CSMD3: variants seen among roughly 807,000 people sequenced by gnomAD.
CSMD3 encodes CUB and Sushi multiple domains 3.
Under a neutral mutation model 435.2 loss-of-function variants are expected in CSMD3, and 177 were observed. The ratio of observed to expected loss-of-function variants is 0.41; its 90% confidence interval spans 0.36 to 0.46. The LOEUF is 0.46. Ranked by LOEUF, CSMD3 falls within the 20% of genes least tolerant of loss-of-function variation. The pLI is 0.34. For missense variants in CSMD3, 4,265 were observed against 4,504.6 expected (o/e 0.95, Z 1.52); for synonymous variants, 1,656 against 1,520.5 (o/e 1.09, Z -2.07).
At chr8:112,877,525 C>T (rs2081320942) in intron 10 of CSMD3, among the ~76,000 whole-genome samples, 1 of 152,070 alleles carries the variant, frequency 6.6e-6, no homozygotes, top group South Asian at 2.1e-4. Flanking sequence ...GCCTCAGCCT[C>T]CCAAAGTGCT....
chr8:113,163,808 G>T (rs1270766434), intron 4 of CSMD3, among the ~76,000 whole-genome samples: 3 of 151,978 alleles, frequency 2.0e-5, no homozygotes, highest in Non-Finnish European at 4.4e-5. Context: ...CTGACTCTGT[G>T]AATACAATTC....
At chr8:112,384,317 A>G (rs979664956) in intron 36 of CSMD3, among the ~76,000 whole-genome samples, 1 of 152,200 alleles carries the variant, frequency 6.6e-6, no homozygotes, top group Non-Finnish European at 1.5e-5. Context: ...TATAGTAACT[A>G]CGTCACAGTG....
intron 4 of CSMD3, among the ~76,000 whole-genome samples, chr8:113,129,075 C>A (rs1013902680): frequency 6.6e-6 from 1 of 152,082 alleles, no homozygotes; most frequent in Non-Finnish European, 1.5e-5. Flanking sequence ...GGTAAAGGCA[C>A]GTATGAACTG....
At chr8:113,140,896 G>C (rs1282024580) in intron 4 of CSMD3, among the ~76,000 whole-genome samples, 1 of 150,586 alleles carries the variant, frequency 6.6e-6, no homozygotes, top group Non-Finnish European at 1.5e-5. Flanking sequence ...AAATAATAAA[G>C]AATACATGCC....
intron 63 of CSMD3, among the ~76,000 whole-genome samples, chr8:112,253,178 G>C (rs1484330414): frequency 6.6e-6 from 1 of 151,898 alleles, no homozygotes; most frequent in East Asian, 1.9e-4. Context: ...GTCACATTCT[G>C]TTTCAGTTTC....
intron 1 of CSMD3, among the ~76,000 whole-genome samples, chr8:113,353,552 G>A (rs1174572652): frequency 1.3e-5 from 2 of 152,112 alleles, no homozygotes; most frequent in African/African-American, 4.8e-5. Flanking sequence ...CCTCTGCATT[G>A]AGACATTTTT....
intron 22 of CSMD3, among the ~76,000 whole-genome samples, chr8:112,613,101 T>C (rs965792831): frequency 1.3e-5 from 2 of 152,054 alleles, no homozygotes; most frequent in African/African-American, 4.8e-5. Flanking sequence ...GGAAAGTCTA[T>C]GTGTTATAAA....
chr8:112,712,153 T>C (rs936428463), intron 13 of CSMD3, among the ~76,000 whole-genome samples: 12 of 152,180 alleles, frequency 7.9e-5, no homozygotes, highest in African/African-American at 2.7e-4. Flanking sequence ...CACTCTCATC[T>C]ACCACCACAA....
chr8:113,300,977 G>A (rs1338239897), intron 2 of CSMD3, among the ~76,000 whole-genome samples: 1 of 152,064 alleles, frequency 6.6e-6, no homozygotes, highest in Admixed American at 6.6e-5. Context: ...AAAAAAGCAT[G>A]TCCCAGAAAA....
chr8:113,320,220 G>T (rs184267043), intron 1 of CSMD3, among the ~76,000 whole-genome samples: 2 of 151,902 alleles, frequency 1.3e-5, no homozygotes, highest in Admixed American at 1.3e-4. Context: ...TCATAGATTC[G>T]TGTTTTACAA....
intron 10 of CSMD3, among the ~76,000 whole-genome samples, chr8:112,865,300 A>C (rs1473935687): frequency 6.6e-6 from 1 of 152,140 alleles, no homozygotes; most frequent in Non-Finnish European, 1.5e-5. Context: ...GACATGATTC[A>C]CAGGTTAAGG....
chr8:112,238,567 T>G (rs1006636348), intron 66 of CSMD3, among the ~76,000 whole-genome samples: 1 of 152,058 alleles, frequency 6.6e-6, no homozygotes, highest in Non-Finnish European at 1.5e-5. Context: ...TTTGGAGTAA[T>G]GTAATCACTG....
intron 2 of CSMD3, among the ~76,000 whole-genome samples, chr8:113,289,508 G>T (rs2093669736): frequency 6.6e-6 from 1 of 150,660 alleles, no homozygotes; most frequent in Admixed American, 6.7e-5. Context: ...AGAGAGAGGT[G>T]AGAGCATTGA....
At chr8:113,372,373 T>C (rs549021598) in intron 1 of CSMD3, among the ~76,000 whole-genome samples, 2 of 152,264 alleles carry the variant, frequency 1.3e-5, no homozygotes, top group South Asian at 4.1e-4. Flanking sequence ...AGGGGATAAA[T>C]ATGAGTTTTA....
intron 3 of CSMD3, among the ~76,000 whole-genome samples, chr8:113,263,797 C>T (rs2093446000): frequency 1.3e-5 from 2 of 151,760 alleles, no homozygotes; most frequent in Admixed American, 6.6e-5. Flanking sequence ...AAACATTTTA[C>T]AAACTATCTT....
At chr8:113,181,379 T>C (rs1014681908) in intron 3 of CSMD3, among the ~76,000 whole-genome samples, 1 of 152,068 alleles carries the variant, frequency 6.6e-6, no homozygotes, top group Admixed American at 6.6e-5. Context: ...ATATTGTGGA[T>C]ACAGATAAGG....
chr8:112,920,588 T>TA (rs1477496881), intron 10 of CSMD3, among the ~76,000 whole-genome samples: 1 of 151,894 alleles, frequency 6.6e-6, no homozygotes, highest in African/African-American at 2.4e-5. Flanking sequence ...CCTTGATGTT[T>TA]ATGTCTAATG....
chr8:113,137,218 C>T (rs1180237719), intron 4 of CSMD3, among the ~76,000 whole-genome samples: 1 of 151,538 alleles, frequency 6.6e-6, no homozygotes, highest in Admixed American at 6.6e-5. Context: ...CACAATACAA[C>T]GTTGTTAACT....
chr8:112,620,704 G>A (rs1313103581), intron 22 of CSMD3, among the ~76,000 whole-genome samples: 1 of 152,092 alleles, frequency 6.6e-6, no homozygotes, highest in Non-Finnish European at 1.5e-5. Flanking sequence ...AAGCCATCCA[G>A]TCCAGACCCT....
Sources: gnomAD v4.1 joint callset for allele counts (sites outside exome capture counted in the v4.1 genomes callset) on GRCh38, gnomAD v4.1.1 for gene constraint, MANE v1.5 for transcripts, NCBI Gene and HGNC (gene_info 2026-07-23, HGNC 2026-07-21) for gene names.